VPS37A: variants seen among roughly 807,000 people sequenced by gnomAD.
VPS37A encodes VPS37A subunit of ESCRT-I.
In VPS37A, 30 loss-of-function variants were observed where a neutral mutation model predicts 49.8. That is an observed-to-expected ratio of 0.60 (90% CI 0.45 to 0.82). VPS37A has a LOEUF of 0.82. Among genes scored for constraint, VPS37A ranks in the 40% least tolerant of loss-of-function variants. The pLI is 0.00. For missense variants in VPS37A, 593 were observed against 464.4 expected (o/e 1.28, Z -2.55); for synonymous variants, 195 against 160.6 (o/e 1.21, Z -1.62).
intron 11 of VPS37A, among the ~76,000 whole-genome samples, chr8:17,293,261 T>C (rs1586088648): frequency 2.0e-5 from 3 of 151,074 alleles, no homozygotes; most frequent in African/African-American, 7.4e-5. Flanking sequence ...ATACTATGTA[T>C]GCTTCATGAA....
intron 1 of VPS37A, among the ~76,000 whole-genome samples, chr8:17,252,960 C>G (rs1199298995): frequency 5.9e-5 from 9 of 152,130 alleles, no homozygotes; most frequent in Admixed American, 5.9e-4. Flanking sequence ...TAAGTTAAAA[C>G]TTTGACACAT....
chr8:17,329,792 T>A, the VPS37A span, among the ~76,000 whole-genome samples: 80 of 152,268 alleles, frequency 5.3e-4, no homozygotes, highest in African/African-American at 1.9e-3. Flanking sequence ...TGCATGATAA[T>A]CTCCAAAAGT....
chr8:17,317,920 C>T, the VPS37A span, among the ~76,000 whole-genome samples: 2 of 152,006 alleles, frequency 1.3e-5, no homozygotes, highest in South Asian at 4.2e-4. Context: ...CCTTTTTTTC[C>T]ACTTCATTCT....
the VPS37A span, among the ~76,000 whole-genome samples, chr8:17,308,189 T>C: frequency 2.6e-5 from 4 of 152,028 alleles, no homozygotes; most frequent in Non-Finnish European, 5.9e-5. Flanking sequence ...AAAAAAAGGT[T>C]GCCTAATATT....
At chr8:17,265,672 C>T (rs989951007) in intron 1 of VPS37A, 27 of 1,133,518 alleles carry the variant, frequency 2.4e-5, no homozygotes, top group Admixed American at 1.1e-4. Context: ...TTTCTTGCCT[C>T]TTTACATCAT....
the VPS37A span, among the ~76,000 whole-genome samples, chr8:17,318,506 G>A: frequency 1.3e-5 from 2 of 152,130 alleles, no homozygotes; most frequent in South Asian, 2.1e-4. Flanking sequence ...GAGGATGGAC[G>A]GCTCCCACAA....
At chr8:17,266,755 G>A (rs1367544169) in intron 2 of VPS37A, among the ~76,000 whole-genome samples, 3 of 152,044 alleles carry the variant, frequency 2.0e-5, no homozygotes, top group Non-Finnish European at 2.9e-5. Context: ...CTGTGTTAAC[G>A]ATATATATGA....
At chr8:17,314,962 G>A in the VPS37A span, among the ~76,000 whole-genome samples, 3 of 152,176 alleles carry the variant, frequency 2.0e-5, no homozygotes, top group African/African-American at 4.8e-5. Context: ...AAATGAGAGG[G>A]TGCTTAGTGG....
the VPS37A span, among the ~76,000 whole-genome samples, chr8:17,320,326 TA>T: frequency 6.6e-6 from 1 of 152,048 alleles, no homozygotes; most frequent in Non-Finnish European, 1.5e-5. Flanking sequence ...ACCTCTAAAA[TA>T]AAATATGAAA....
chr8:17,253,233 AGCCGAAAACCTGT>A (rs1224196714), intron 1 of VPS37A, among the ~76,000 whole-genome samples: 2 of 152,164 alleles, frequency 1.3e-5, no homozygotes, highest in African/African-American at 4.8e-5. Context: ...TGCTCACCTA[AGCCGAAAACCTGT>A]GCCGTCTTCC....
At chr8:17,320,939 G>A in the VPS37A span, among the ~76,000 whole-genome samples, 3 of 152,176 alleles carry the variant, frequency 2.0e-5, no homozygotes, top group African/African-American at 7.2e-5. Flanking sequence ...TCCACTGCGT[G>A]AAGTCTCAGG....
intron 9 of VPS37A, among the ~76,000 whole-genome samples, chr8:17,282,221 G>C (rs1162253791): frequency 6.6e-6 from 1 of 152,034 alleles, no homozygotes; most frequent in African/African-American, 2.4e-5. Flanking sequence ...AGACTATGTA[G>C]TTCAAAAATA....
At chr8:17,285,915 G>GT (rs889800351) in intron 10 of VPS37A, among the ~76,000 whole-genome samples, 23 of 151,954 alleles carry the variant, frequency 1.5e-4, no homozygotes, top group African/African-American at 4.4e-4. Flanking sequence ...GCGTTTTTTT[G>GT]TTTTTTTGGT....
intron 6 of VPS37A, among the ~76,000 whole-genome samples, chr8:17,278,450 C>A (rs1405027994): frequency 6.6e-6 from 1 of 151,812 alleles, no homozygotes; most frequent in East Asian, 1.9e-4. Flanking sequence ...TAAATTTTTC[C>A]CCTTATATTA....
downstream of VPS37A, chr8:17,304,387 G>A (rs1289594976): frequency 6.2e-7 from 1 of 1,612,076 alleles, no homozygotes; most frequent in African/African-American, 1.3e-5. Flanking sequence ...ACTTGTACAT[G>A]AAGTTACATG....
At chr8:17,328,109 G>A in the VPS37A span, among the ~76,000 whole-genome samples, 1 of 152,150 alleles carries the variant, frequency 6.6e-6, no homozygotes, top group Non-Finnish European at 1.5e-5. Flanking sequence ...AAAGCTACTC[G>A]TGGGGAGAAA....
At chr8:17,287,632 C>G (rs890121056) in intron 11 of VPS37A, among the ~76,000 whole-genome samples, 1 of 151,728 alleles carries the variant, frequency 6.6e-6, no homozygotes. Flanking sequence ...GAGCCGAGAT[C>G]ACGCCACTGC....
intron 4 of VPS37A, among the ~76,000 whole-genome samples, chr8:17,271,395 G>C (rs1479356523): frequency 1.3e-5 from 2 of 152,158 alleles, no homozygotes; most frequent in Non-Finnish European, 2.9e-5. Flanking sequence ...CACGAGGTCA[G>C]GAGATCGAGA....
At chr8:17,256,462 A>T (rs981560528) in intron 1 of VPS37A, among the ~76,000 whole-genome samples, 2 of 150,878 alleles carry the variant, frequency 1.3e-5, no homozygotes, top group East Asian at 3.9e-4. Context: ...GTTTGTTGAG[A>T]TCTTTTGCCA....
Sources: allele counts gnomAD v4.1 joint callset (sites outside exome capture counted in the v4.1 genomes callset), GRCh38; gene constraint gnomAD v4.1.1; transcripts MANE v1.5; gene names NCBI Gene and HGNC (gene_info 2026-07-23, HGNC 2026-07-21).